The following RBM38 variants were observed in gnomAD, a reference collection of about 807,000 sequenced individuals.
RBM38 encodes RNA binding motif protein 38, also known as RNA-binding protein 38.
RBM38 carries 11 observed loss-of-function variants against 23.5 expected under a neutral mutation model. The observed-to-expected ratio is 0.47, with a 90% CI of 0.29 to 0.77. The LOEUF (loss-of-function observed/expected upper bound fraction) is 0.77. RBM38 is among the 30% of genes least tolerant of loss of function. RBM38 has a pLI of 0.08. For synonymous variants in RBM38, 165 were observed against 166.1 expected (o/e 0.99, Z 0.05); for missense variants, 330 against 351.9 (o/e 0.94, Z 0.50).
At chr20:57,398,460 C>T (rs1472988890) in intron 3 of RBM38, among the ~76,000 whole-genome samples, 2 of 152,126 alleles carry the variant, frequency 1.3e-5, no homozygotes, top group Non-Finnish European at 2.9e-5. Context: ...CAGAGCCAGG[C>T]GGCATGGGGG....
intron 1 of RBM38, chr20:57,392,220 G>C: frequency 2.9e-6 from 1 of 346,184 alleles, no homozygotes; most frequent in Non-Finnish European, 5.6e-6. Context: ...AGCCCTCTCA[G>C]CCGCCCCAAA....
intron 3 of RBM38, among the ~76,000 whole-genome samples, chr20:57,394,849 G>T (rs1343859644): frequency 6.6e-6 from 1 of 152,132 alleles, no homozygotes; most frequent in Non-Finnish European, 1.5e-5. Flanking sequence ...GAGGGTGTGT[G>T]CCTCCAGTGC....
chr20:57,404,885 T>G (rs1457157882), intron 3 of RBM38, among the ~76,000 whole-genome samples: 1 of 152,162 alleles, frequency 6.6e-6, no homozygotes, highest in Non-Finnish European at 1.5e-5. Flanking sequence ...TGAGGCGCTG[T>G]GGGGCATGGG....
chr20:57,402,918 G>GCCCTTC (rs2067343749), intron 3 of RBM38, among the ~76,000 whole-genome samples: 1 of 152,258 alleles, frequency 6.6e-6, no homozygotes, highest in Admixed American at 6.5e-5. Flanking sequence ...CCTTGTCTTT[G>GCCCTTC]CCCTTCCCCT....
chr20:57,396,145 AT>A (rs1245897955), intron 3 of RBM38, among the ~76,000 whole-genome samples: 1 of 152,256 alleles, frequency 6.6e-6, no homozygotes, highest in Non-Finnish European at 1.5e-5. Flanking sequence ...TTTACACTTT[AT>A]GCTATTTGCC....
chr20:57,406,634 C>T (rs2067386973), intron 3 of RBM38, among the ~76,000 whole-genome samples: 2 of 152,192 alleles, frequency 1.3e-5, no homozygotes, highest in South Asian at 2.1e-4. Context: ...CCAGCATTCA[C>T]GCAGTCACTC....
intron 3 of RBM38, among the ~76,000 whole-genome samples, chr20:57,403,388 C>A (rs779867774): frequency 2.6e-5 from 4 of 152,232 alleles, no homozygotes; most frequent in African/African-American, 9.6e-5. Context: ...GTGGCTGCTT[C>A]TACCTTAACT....
chr20:57,401,377 C>T (rs1309107244), intron 3 of RBM38, among the ~76,000 whole-genome samples: 1 of 152,194 alleles, frequency 6.6e-6, no homozygotes, highest in African/African-American at 2.4e-5. Context: ...TGGGTGGAGC[C>T]GTGCCTGCCT....
rs2146197856 is a variant in RBM38 at position 57,391,833 on chromosome 20, C to T, written c.237+15C>T. The T allele has an allele frequency of 1.3e-6, 2 of 1,522,128 alleles. No homozygotes were observed. Among genetic ancestry groups the T allele is most frequent in the Admixed American group, 1.9e-5 (1 of 51,474 alleles). 94.3% of individuals were successfully genotyped at this position (1,522,128 alleles called of 1,614,324 possible). ...GCTACGGCTTCGTAAGTGGCCCCCGCGCCCGGGCCCGCACCCCGCCGCACA... is the reference window on the plus strand; with the variant it reads ...GCTACGGCTTCGTAAGTGGCCCCCGTGCCCGGGCCCGCACCCCGCCGCACA... On this transcript the variant is annotated intron_variant, in intron 1 of 3. Transcript: ENST00000356208.
chr20:57,406,850 CGAG>C (rs2067389635), intron 3 of RBM38, among the ~76,000 whole-genome samples: 1 of 152,016 alleles, frequency 6.6e-6, no homozygotes. Flanking sequence ...AAAAATTAGC[CGAG>C]CGTGGTGGCG....
intron 2 of RBM38, chr20:57,392,987 G>A: frequency 1.4e-6 from 1 of 733,262 alleles, no homozygotes; most frequent in Non-Finnish European, 2.2e-6. Context: ...CGGGGGGCAG[G>A]GAGGGTACTG....
chr20:57,402,362 G>A (rs1172957932), intron 3 of RBM38, among the ~76,000 whole-genome samples: 1 of 152,356 alleles, frequency 6.6e-6, no homozygotes, highest in African/African-American at 2.4e-5. Flanking sequence ...GGAGAGGGAG[G>A]ATCGGAGAAT....
intron 2 of RBM38, 113 bp downstream of exon 2, chr20:57,392,890 CAT>C (rs1235242882): frequency 4.2e-5 from 60 of 1,412,034 alleles, no homozygotes; most frequent in Non-Finnish European, 5.3e-5. Context: ...AGTCGGCTAT[CAT>C]GTGCCTGCAG....
intron 3 of RBM38, among the ~76,000 whole-genome samples, chr20:57,396,182 T>C (rs1318071258): frequency 1.3e-5 from 2 of 152,242 alleles, no homozygotes; most frequent in Non-Finnish European, 2.9e-5. Context: ...CTTTTCCTTT[T>C]TTTAAGTTGA....
Position 57,407,762 on chromosome 20 carries a change from C to A in RBM38, c.636C>A (p.Pro212=). The change falls in exon 4 of 4, where the codon CCC becomes CCA. Residue 212 remains proline (P), a synonymous_variant. Coordinates refer to ENST00000356208, the MANE Select transcript of RBM38 (RefSeq NM_017495.6). The surrounding 1 kb of genome is among the most constrained non-coding windows in gnomAD (Gnocchi z 4.0). ...FVGYSYPAAV[P]QALSAAAPAG... is the part of the protein sequence containing the mutation. Reference sequence around the variant, plus strand: ...GCTACAGCTACCCTGCCGCCGTGCCCCAGGCCCTCTCAGCCGCAGCACCCG... The same window carrying A: ...GCTACAGCTACCCTGCCGCCGTGCCACAGGCCCTCTCAGCCGCAGCACCCG... The A allele has an allele frequency of 1.2e-6, 2 of 1,609,810 alleles. No individual in the cohort carries two copies. The highest frequency in any genetic ancestry group is 8.5e-7 in the Non-Finnish European group (1 of 1,179,152).
intron 3 of RBM38, among the ~76,000 whole-genome samples, chr20:57,399,016 A>G (rs1018299979): frequency 2.0e-5 from 3 of 152,182 alleles, no homozygotes; most frequent in African/African-American, 7.2e-5. Context: ...GATGCCTGCC[A>G]TGGGGGTGAG....
chr20:57,396,097 G>T (rs2067272628), intron 3 of RBM38, among the ~76,000 whole-genome samples: 2 of 152,168 alleles, frequency 1.3e-5, no homozygotes, highest in Admixed American at 1.3e-4. Context: ...CGCCTGGCTG[G>T]GTCTTAAATG....
intron 3 of RBM38, among the ~76,000 whole-genome samples, chr20:57,395,384 G>A (rs1330766552): frequency 6.6e-6 from 1 of 152,152 alleles, no homozygotes; most frequent in Non-Finnish European, 1.5e-5. Context: ...CTGGAGTCCT[G>A]TGAACACCAC....
chr20:57,395,765 A>AGAGCTGGGCCG (rs2067268367), intron 3 of RBM38, among the ~76,000 whole-genome samples: 1 of 141,444 alleles, frequency 7.1e-6, no homozygotes, highest in South Asian at 2.1e-4. Context: ...ACGGAGCTGG[A>AGAGCTGGGCCG]GAGCTGGGCC....
Sources: allele counts gnomAD v4.1 joint callset (sites outside exome capture counted in the v4.1 genomes callset), GRCh38; gene constraint gnomAD v4.1.1; non-coding constraint Gnocchi (gnomAD v3.1); transcripts MANE v1.5; gene names NCBI Gene and HGNC (gene_info 2026-07-23, HGNC 2026-07-21).